The following CADPS2 variants were observed in gnomAD, a reference collection of about 807,000 sequenced individuals.
CADPS2 encodes calcium-dependent secretion activator 2.
CADPS2 carries 93 observed loss-of-function variants against 172.5 expected under a neutral mutation model. The ratio of observed to expected loss-of-function variants is 0.54; its 90% CI spans 0.46 to 0.64. CADPS2 has a LOEUF of 0.64. CADPS2 is among the 30% of genes least tolerant of loss of function. The probability of loss-of-function intolerance (pLI) is 0.00; values close to 1 mark genes in which losing one functional copy is unlikely to be tolerated. For missense variants in CADPS2, 1,420 were observed against 1,565.9 expected, an observed-to-expected ratio of 0.91 and a Z score of 1.57; for synonymous variants, 546 against 555.2, an observed-to-expected ratio of 0.98 and a Z score of 0.23.
chr7:122,372,395 G>C (rs1400963681), intron 25 of CADPS2, among the ~76,000 whole-genome samples: 1 of 152,164 alleles, frequency 6.6e-6, no homozygotes, highest in Non-Finnish European at 1.5e-5. Context: ...GGCACAGAGA[G>C]GGAAGGCCAA....
At chr7:122,383,291 C>T (rs1046386863) in intron 24 of CADPS2, among the ~76,000 whole-genome samples, 8 of 151,844 alleles carry the variant, frequency 5.3e-5, no homozygotes, top group East Asian at 1.9e-4. Context: ...TGAGAACACA[C>T]GGACATAAAC....
chr7:122,621,456 G>T (rs773928621), intron 5 of CADPS2, 25 bp downstream of exon 5: 5 of 1,425,572 alleles, frequency 3.5e-6, no homozygotes, highest in Admixed American at 1.8e-5. Flanking sequence ...GCTGTCAGAG[G>T]TGAGCATGAG....
In CADPS2 at chr7:122,593,316, C is replaced by G. The variant is rs73719709; in HGVS notation, c.1224-12026G>C. ...CACATAAACATTGTGGAAAAAAGAC[C>G]GATTAAATAACAAAAGGAAATAAAA... On this transcript the variant is annotated intron_variant, in intron 6 of 29. Transcript: ENST00000449022. 8.4e-3 allele frequency among the ~76,000 whole-genome samples: 1,276 copies of G among 151,742 alleles called. 17 individuals are homozygous for G. The highest frequency in any genetic ancestry group is 0.03 in the African/African-American group (1,223 of 41,416).
rs542933451 is a variant in CADPS2 at position 122,401,486 on chromosome 7, T to C, written c.2746+6054A>G. Among the ~76,000 whole-genome samples the C allele has an allele frequency of 5.9e-5, 9 of 152,312 alleles. No homozygotes were observed. The East Asian group carries it at 1.5e-3, about 26-fold the overall frequency. ...TGTGCCATTTGCAGATGGCTTTCATTTGTCAGAAGTGGTCACTTGCCTTAT... is the reference window on the plus strand; with the variant it reads ...TGTGCCATTTGCAGATGGCTTTCATCTGTCAGAAGTGGTCACTTGCCTTAT... On this transcript the variant is annotated intron_variant, in intron 20 of 29. Transcript: ENST00000449022.
intron 25 of CADPS2, among the ~76,000 whole-genome samples, chr7:122,371,918 A>C (rs1233371166): frequency 6.6e-6 from 1 of 151,958 alleles, no homozygotes; most frequent in East Asian, 1.9e-4. Context: ...GTATTTTTAG[A>C]CTCTGACCTT....
At chr7:122,831,039 G>T (rs1000368363) in intron 1 of CADPS2, among the ~76,000 whole-genome samples, 1 of 152,094 alleles carries the variant, frequency 6.6e-6, no homozygotes, top group African/African-American at 2.4e-5. Context: ...AAATTTAGGG[G>T]CCCTACTATT....
At chr7:122,822,151 A>G (rs1187514407) in intron 1 of CADPS2, among the ~76,000 whole-genome samples, 2 of 151,080 alleles carry the variant, frequency 1.3e-5, no homozygotes. Flanking sequence ...TGAAGTAAAT[A>G]AATAATCTTT....
chr7:122,353,314 T>A (rs2038936596), intron 27 of CADPS2, among the ~76,000 whole-genome samples: 1 of 152,116 alleles, frequency 6.6e-6, no homozygotes, highest in South Asian at 2.1e-4. Flanking sequence ...ATGAGAAATC[T>A]TTAGCAAGTA....
rs1392798987 is a variant in CADPS2, at chr7:122,319,537, GACACAA to G, written c.*622_*627del. Reference sequence around the variant, plus strand: ...GAAGAAATGTTGAGAATGGAACAAAGACACAAACCCATTGGATAATCTAGTCTATAT... The same window carrying G: ...GAAGAAATGTTGAGAATGGAACAAAGACCCATTGGATAATCTAGTCTATAT... On this transcript the variant is annotated 3_prime_UTR_variant, in exon 30 of 30. Transcript: ENST00000449022. 1 of 152,126 alleles carries G rather than the reference GACACAA, an allele frequency of 6.6e-6. No individual in the cohort carries two copies. The highest frequency in any genetic ancestry group is 6.5e-5 in the Admixed American group (1 of 15,268). The allele number at this position is 152,126 out of a possible 1,614,324, so 9.4% of individuals were successfully genotyped here.
At chr7:122,321,999 A>G (rs1288278099) in intron 29 of CADPS2, among the ~76,000 whole-genome samples, 2 of 151,926 alleles carry the variant, frequency 1.3e-5, no homozygotes, top group Non-Finnish European at 2.9e-5. Context: ...ACTCTCTTAC[A>G]CCAAAACTCA....
chr7:122,727,684 A>G (rs1209734542), intron 2 of CADPS2, among the ~76,000 whole-genome samples: 2 of 151,942 alleles, frequency 1.3e-5, no homozygotes, highest in African/African-American at 4.8e-5. Flanking sequence ...TCCAGTCTTC[A>G]TAACAAAATG....
At chr7:122,746,088 A>G (rs1280584752) in intron 1 of CADPS2, among the ~76,000 whole-genome samples, 1 of 152,200 alleles carries the variant, frequency 6.6e-6, no homozygotes, top group Non-Finnish European at 1.5e-5. Context: ...GCATTAAATG[A>G]TAGAATAAAA....
intron 15 of CADPS2, 141 bp from the exon 16 acceptor site, chr7:122,441,716 A>AT (rs560894046): frequency 3.3e-5 from 16 of 478,118 alleles, no homozygotes; most frequent in African/African-American, 3.0e-4. Context: ...ATCCAGGGAA[A>AT]TTTTAACTAT....
chr7:122,618,494 G>C (rs183728202), intron 5 of CADPS2, among the ~76,000 whole-genome samples: 1 of 152,276 alleles, frequency 6.6e-6, no homozygotes, highest in East Asian at 1.9e-4. Context: ...TAAGGGAATA[G>C]GGTATGGTGG....
intron 2 of CADPS2, among the ~76,000 whole-genome samples, chr7:122,734,445 A>T (rs1475370728): frequency 2.0e-5 from 3 of 149,294 alleles, no homozygotes; most frequent in Admixed American, 6.8e-5. Context: ...AATATGTAAC[A>T]CTGGAAAAGT....
intron 29 of CADPS2, among the ~76,000 whole-genome samples, chr7:122,322,761 A>G (rs2032868806): frequency 1.3e-5 from 2 of 152,222 alleles, no homozygotes; most frequent in African/African-American, 4.8e-5. Flanking sequence ...CTTAGTGTGC[A>G]ACATGAATGA....
chr7:122,330,790 A>C (rs1343363175), intron 28 of CADPS2: 1 of 152,266 alleles, frequency 6.6e-6, no homozygotes, highest in Non-Finnish European at 1.5e-5. Flanking sequence ...GCTGGTTGTC[A>C]ACACACCAGG....
At chr7:122,664,986 A>G (rs2081037897) in intron 2 of CADPS2, among the ~76,000 whole-genome samples, 1 of 141,384 alleles carries the variant, frequency 7.1e-6, no homozygotes, top group Non-Finnish European at 1.5e-5. Context: ...TTTTGTAGAT[A>G]TGGGGTCTCA....
intron 27 of CADPS2, among the ~76,000 whole-genome samples, chr7:122,360,045 CTTAAT>C (rs535131321): frequency 3.9e-5 from 6 of 152,246 alleles, no homozygotes; most frequent in Admixed American, 1.3e-4. Flanking sequence ...AGTCTTAAAT[CTTAAT>C]TTATTTTTCA....
Sources: allele counts gnomAD v4.1 joint callset (sites outside exome capture counted in the v4.1 genomes callset), GRCh38; gene constraint gnomAD v4.1.1; transcripts MANE v1.5; gene names NCBI Gene and HGNC (gene_info 2026-07-23, HGNC 2026-07-21).